LMAN2: variants seen among roughly 807,000 people sequenced by gnomAD.
LMAN2 encodes the protein vesicular integral-membrane protein VIP36.
LMAN2 carries 22 observed loss-of-function variants against 39.3 expected under a neutral mutation model. That is an observed-to-expected ratio of 0.56 (90% CI 0.40 to 0.80). The LOEUF is 0.80. LMAN2 is among the 30% of genes least tolerant of loss of function. LMAN2 has a pLI of 0.00. For missense variants in LMAN2, 494 were observed against 505.4 expected, an observed-to-expected ratio of 0.98 and a Z score of 0.22; for synonymous variants, 207 against 207.8, an observed-to-expected ratio of 1.00 and a Z score of 0.03.
chr5:177,332,389 G>A lies in LMAN2; in HGVS notation c.911-143C>T. The A allele has an allele frequency of 1.4e-6, 1 of 729,392 alleles. No homozygotes were observed. Among genetic ancestry groups the A allele is most frequent in the Non-Finnish European group, 2.2e-6 (1 of 444,772 alleles). The allele number at this position is 729,392 out of a possible 1,614,324, so 45.2% of individuals were successfully genotyped here. A position where few individuals can be genotyped will look rare whatever the true frequency, so the allele number is the denominator to read the frequency against. ...TCACCCCCCTCACCGGGGAGGGGCA[G>A]AGGTCAGGTGAAGCCCATCCCAGCC... On this transcript the variant is annotated intron_variant, in intron 7 of 7. Coordinates refer to ENST00000303127, the MANE Select transcript of LMAN2 (RefSeq NM_006816.3). This position sits in a 1 kb window ranked among gnomAD's most constrained non-coding sequence, Gnocchi z 6.3.
Position 177,351,651 on chromosome 5 carries a change from C to G in LMAN2, c.-4G>C. ...AAATCCAGCCTTCCGCCGCCATTCT[C>G]CTCTCCTCTCGGCCACTTCCGCCCT... On this transcript the variant is annotated 5_prime_UTR_variant, in exon 1 of 8. Coordinates refer to ENST00000303127, the MANE Select transcript of LMAN2 (RefSeq NM_006816.3). 6.3e-7 allele frequency: 1 copy of G among 1,583,284 alleles called. No homozygotes were observed. The highest frequency in any genetic ancestry group is 8.6e-7 in the Non-Finnish European group (1 of 1,167,558).
chr5:177,345,748 T>C (rs1207462615), intron 2 of LMAN2, among the ~76,000 whole-genome samples: 1 of 148,352 alleles, frequency 6.7e-6, no homozygotes, highest in Admixed American at 6.7e-5. Context: ...TTTATTTATT[T>C]ATTTATTTAT....
chr5:177,334,410 G>A lies in LMAN2; in HGVS notation c.791-7C>T, dbSNP rs745560002. The A allele has an allele frequency of 6.2e-7, 1 of 1,611,444 alleles. No individual in the cohort carries two copies. The highest frequency in any genetic ancestry group is 1.1e-5 in the South Asian group (1 of 90,980). Reference sequence around the variant, plus strand: ...GAGATGATGTCATGATTGTCTGCAGGACCAAGAATAAACCTGTGACAGCCT... The same window carrying A: ...GAGATGATGTCATGATTGTCTGCAGAACCAAGAATAAACCTGTGACAGCCT... On this transcript the variant is annotated splice_polypyrimidine_tract_variant and splice_region_variant and intron_variant, in intron 6 of 7. Coordinates refer to ENST00000303127, the MANE Select transcript of LMAN2 (RefSeq NM_006816.3).
rs994764401 is a variant in LMAN2 at position 177,337,111 on chromosome 5, C to G, written c.790+25G>C. On this transcript the variant is annotated intron_variant, in intron 6 of 7. Coordinates refer to ENST00000303127, the MANE Select transcript of LMAN2 (RefSeq NM_006816.3). This position sits in a 1 kb window ranked among gnomAD's most constrained non-coding sequence, Gnocchi z 8.2. Reference sequence around the variant, plus strand: ...CCCTCAGGGTGAGCTGGGCTGGGAACCAACGCCTGGCCCGGCCCACTCACC... The same window carrying G: ...CCCTCAGGGTGAGCTGGGCTGGGAAGCAACGCCTGGCCCGGCCCACTCACC... The G allele has an allele frequency of 1.3e-6, 2 of 1,573,842 alleles. No individual in the cohort carries two copies. The highest frequency in any genetic ancestry group is 2.2e-5 in the South Asian group (2 of 90,286).
intron 7 of LMAN2, among the ~76,000 whole-genome samples, chr5:177,333,856 C>G (rs1452899973): frequency 6.6e-6 from 1 of 152,126 alleles, no homozygotes; most frequent in Non-Finnish European, 1.5e-5. Flanking sequence ...AGCAGCACGA[C>G]TTCTTCCAGG....
At position 177,332,815 on chromosome 5, in the gene LMAN2, A is replaced by G. The variant is rs1467931726; in HGVS notation, c.911-569T>C. Among the ~76,000 whole-genome samples the G allele has an allele frequency of 1.3e-5, 2 of 152,112 alleles. No homozygotes were observed. Among genetic ancestry groups the G allele is most frequent in the Non-Finnish European group, 1.5e-5 (1 of 68,002 alleles). On this transcript the variant is annotated intron_variant, in intron 7 of 7. Transcript: ENST00000303127. The surrounding 1 kb of genome is among the most constrained non-coding windows in gnomAD (Gnocchi z 6.3). ...GGCCCACTGGTACGCTCCCTTGTAC[A>G]GGCGGAGAGAAGACACTGACTTTCC...
chr5:177,336,781 T>C, intron 6 of LMAN2: 3 of 386,910 alleles, frequency 7.8e-6, no homozygotes, highest in South Asian at 7.0e-5. Flanking sequence ...ACTGACCCGC[T>C]GCCTCCTGTT....
intron 2 of LMAN2, among the ~76,000 whole-genome samples, chr5:177,341,383 C>T (rs1447829795): frequency 6.6e-6 from 1 of 152,000 alleles, no homozygotes; most frequent in Admixed American, 6.6e-5. Flanking sequence ...AAATAATAAT[C>T]TTAAAGAAAA....
At chr5:177,338,447 G>T in intron 3 of LMAN2, 41 bp downstream of exon 3, 2 of 1,545,428 alleles carry the variant, frequency 1.3e-6, no homozygotes, top group Non-Finnish European at 8.9e-7. Context: ...CCATGCCCGT[G>T]CCCACCCCCA....
Position 177,332,080 on chromosome 5 carries a change from C to T in LMAN2, c.*6G>A, listed in dbSNP as rs371052841. 7.1e-5 allele frequency: 114 copies of T among 1,599,808 alleles called. No individual in the cohort carries two copies. The African/African-American group carries it at 1.2e-3, about 17-fold the overall frequency. On this transcript the variant is annotated 3_prime_UTR_variant, in exon 8 of 8. Coordinates refer to ENST00000303127, the MANE Select transcript of LMAN2 (RefSeq NM_006816.3). This position sits in a 1 kb window ranked among gnomAD's most constrained non-coding sequence, Gnocchi z 6.3. ...GCCCAGGGACAGGCCCCGCCGGAGGCGCCACTCAGTAGAAGCGCTTGTTCC... is the reference window on the plus strand; with the variant it reads ...GCCCAGGGACAGGCCCCGCCGGAGGTGCCACTCAGTAGAAGCGCTTGTTCC...
At chr5:177,335,102 A>G (rs1351109492) in intron 6 of LMAN2, among the ~76,000 whole-genome samples, 1 of 152,186 alleles carries the variant, frequency 6.6e-6, no homozygotes, top group Non-Finnish European at 1.5e-5. Flanking sequence ...TCAGCCTGGG[A>G]CTGGAATCTG....
intron 2 of LMAN2, among the ~76,000 whole-genome samples, chr5:177,344,280 ACTTTT>A (rs1761602917): frequency 9.2e-6 from 1 of 108,368 alleles, no homozygotes; most frequent in Non-Finnish European, 1.9e-5. Flanking sequence ...ACGCTTTGTT[ACTTTT>A]TTTTTTTTTT....
At chr5:177,339,638 T>C (rs2127316135) in intron 2 of LMAN2, among the ~76,000 whole-genome samples, 1 of 152,316 alleles carries the variant, frequency 6.6e-6, no homozygotes. Context: ...CCAAACAGGA[T>C]GTTGACCTGT....
At chr5:177,345,737 ATTTATT>A (rs1761627567) in intron 2 of LMAN2, among the ~76,000 whole-genome samples, 6 of 76,444 alleles carry the variant, frequency 7.8e-5, no homozygotes, top group African/African-American at 2.8e-4. Flanking sequence ...CATGGCATGC[ATTTATT>A]TATTTATTTA....
intron 2 of LMAN2, among the ~76,000 whole-genome samples, chr5:177,344,540 A>G (rs1381856828): frequency 2.0e-5 from 3 of 150,414 alleles, no homozygotes; most frequent in Non-Finnish European, 4.4e-5. Context: ...TCGGTCTCCC[A>G]AAGTGCTGGG....
chr5:177,340,008 G>A (rs1332953176), intron 2 of LMAN2, among the ~76,000 whole-genome samples: 1 of 152,152 alleles, frequency 6.6e-6, no homozygotes, highest in African/African-American at 2.4e-5. Context: ...AGAGGAAACA[G>A]TGAGAGAGGC....
chr5:177,339,423 T>C (rs1266437774), intron 2 of LMAN2, among the ~76,000 whole-genome samples: 2 of 152,190 alleles, frequency 1.3e-5, no homozygotes, highest in East Asian at 1.9e-4. Flanking sequence ...AGGGTCGTGC[T>C]CTGGGACTCA....
chr5:177,338,362 T>C, intron 3 of LMAN2, 126 bp downstream of exon 3: 2 of 727,462 alleles, frequency 2.7e-6, no homozygotes, highest in South Asian at 3.2e-5. Context: ...AGGCAGCACT[T>C]TCCTAACAGG....
rs779183923 is a variant in LMAN2, at chr5:177,337,774, C to T, written c.445G>A (p.Gly149Arg). ...AAGCCGTGGAAGTTATCTTTGCTTC[C>T]AAACACAGGCCCTAGAATTATAAGC... Reference protein sequence around the residue: ...RDRLVPGPVFGSKDNFHGLAI... With the variant: ...RDRLVPGPVFRSKDNFHGLAI... Residue 149 changes from glycine (G) to arginine (R), a missense_variant, in exon 4 of 8, where the codon GGA (glycine) becomes AGA (arginine). Gly to Arg is a moderately radical substitution (Grantham distance 125). Coordinates refer to ENST00000303127, the MANE Select transcript of LMAN2 (RefSeq NM_006816.3). This position sits in a 1 kb window ranked among gnomAD's most constrained non-coding sequence, Gnocchi z 8.2. 3 of 1,613,636 alleles carry T rather than the reference C, an allele frequency of 1.9e-6. No individual in the cohort carries two copies. The highest frequency in any genetic ancestry group is 2.5e-6 in the Non-Finnish European group (3 of 1,179,920).
Sources: allele counts gnomAD v4.1 joint callset (sites outside exome capture counted in the v4.1 genomes callset), GRCh38; gene constraint gnomAD v4.1.1; non-coding constraint Gnocchi (gnomAD v3.1); transcripts MANE v1.5; gene names NCBI Gene and HGNC (gene_info 2026-07-23, HGNC 2026-07-21).